SEPTIN10: variants seen among roughly 807,000 people sequenced by gnomAD.
SEPTIN10 encodes septin 10, also known as septin-10.
SEPTIN10 carries 66 observed loss-of-function variants against 54.8 expected under a neutral mutation model. The ratio of observed to expected loss-of-function variants is 1.21; its 90% CI spans 0.99 to 1.48. The LOEUF is 1.48. Among genes scored for constraint, SEPTIN10 ranks in the 40% most tolerant of loss-of-function variants. SEPTIN10 has a pLI of 0.00. For missense variants in SEPTIN10, 620 were observed against 545.6 expected, an observed-to-expected ratio of 1.14 and a Z score of -1.36; for synonymous variants, 161 against 181.0, an observed-to-expected ratio of 0.89 and a Z score of 0.89.
In SEPTIN10 at chr2:109,552,765, C is replaced by A. The variant is rs181851001; in HGVS notation, c.1161+322G>T. 327 of 228,258 alleles carry A rather than the reference C, an allele frequency of 1.4e-3. 1 individual carries two copies. Among genetic ancestry groups the A allele is most frequent in the Admixed American group, 3.4e-3 (59 of 17,474 alleles). 14.1% of individuals were successfully genotyped at this position (228,258 alleles called of 1,614,324 possible). On this transcript the variant is annotated intron_variant, in intron 9 of 10. Coordinates refer to ENST00000397712, the MANE Select transcript of SEPTIN10 (RefSeq NM_144710.5). ...AATGAGGCACCTAAAAATTGTATAC[C>A]GTGGATTCAAGGCATGGATTTCATG...
chr2:109,554,486 G>C (rs547146582), intron 8 of SEPTIN10, among the ~76,000 whole-genome samples: 1 of 152,268 alleles, frequency 6.6e-6, no homozygotes, highest in East Asian at 1.9e-4. Context: ...GCCCTGGACA[G>C]CATGCCATTC....
intron 8 of SEPTIN10, among the ~76,000 whole-genome samples, chr2:109,553,875 C>G (rs939290069): frequency 6.6e-6 from 1 of 150,694 alleles, no homozygotes; most frequent in African/African-American, 2.4e-5. Context: ...AAAAGTGATA[C>G]AATAAACTTT....
intron 2 of SEPTIN10, among the ~76,000 whole-genome samples, chr2:109,590,727 C>A (rs558964968): frequency 1.3e-5 from 2 of 152,270 alleles, no homozygotes; most frequent in East Asian, 3.9e-4. Flanking sequence ...TTATGCCCAG[C>A]CATGAGGTAA....
At chr2:109,560,781 A>G (rs1156309595) in intron 8 of SEPTIN10, among the ~76,000 whole-genome samples, 1 of 152,154 alleles carries the variant, frequency 6.6e-6, no homozygotes, top group Non-Finnish European at 1.5e-5. Context: ...CCATCCACCT[A>G]GCCATGAAAC....
intron 8 of SEPTIN10, among the ~76,000 whole-genome samples, chr2:109,555,623 C>T (rs1009503039): frequency 2.6e-5 from 4 of 152,202 alleles, no homozygotes; most frequent in Admixed American, 6.5e-5. Flanking sequence ...AGGGCAGTCA[C>T]GACCCAGGCA....
chr2:109,603,254 T>G (rs80285137), intron 1 of SEPTIN10, among the ~76,000 whole-genome samples: 1 of 152,028 alleles, frequency 6.6e-6, no homozygotes, highest in African/African-American at 2.4e-5. Flanking sequence ...TTTTTTTTTT[T>G]GAGACAGTCT....
At chr2:109,566,484 A>G (rs1449934507) in intron 6 of SEPTIN10, among the ~76,000 whole-genome samples, 3 of 152,170 alleles carry the variant, frequency 2.0e-5, no homozygotes, top group Non-Finnish European at 2.9e-5. Context: ...ATGTTGAGGA[A>G]ATTACACATA....
intron 8 of SEPTIN10, among the ~76,000 whole-genome samples, chr2:109,561,652 T>C (rs1039842591): frequency 2.6e-5 from 4 of 152,156 alleles, no homozygotes; most frequent in African/African-American, 4.8e-5. Flanking sequence ...GCAGCTTAAA[T>C]GTAACATTTC....
At chr2:109,610,496 C>G (rs972503749) in intron 1 of SEPTIN10, among the ~76,000 whole-genome samples, 1 of 152,180 alleles carries the variant, frequency 6.6e-6, no homozygotes, top group East Asian at 1.9e-4. Context: ...GGGTGGATCA[C>G]CTGAGGTTGG....
rs1482760312 is a variant in SEPTIN10 at position 109,565,991 on chromosome 2, G to C, written c.763-132C>G. The C allele has an allele frequency of 1.0e-5, 8 of 792,858 alleles. No individual in the cohort carries two copies. In the East Asian group the frequency reaches 2.1e-4, roughly 20 times the overall value. 49.1% of individuals were successfully genotyped at this position (792,858 alleles called of 1,614,324 possible). A position where few individuals can be genotyped will look rare whatever the true frequency, so the allele number is the denominator to read the frequency against. The stretch of plus-strand genomic sequence containing the variant: ...AAATCGAATGGTCAGCTATGCCTCA[G>C]ATTTTAAAACCTGCCAGTGAATATG... On this transcript the variant is annotated intron_variant, in intron 6 of 10. Transcript: ENST00000397712.
intron 1 of SEPTIN10, 51 bp downstream of exon 1, chr2:109,613,747 C>T: frequency 1.7e-6 from 2 of 1,169,764 alleles, no homozygotes; most frequent in Non-Finnish European, 2.1e-6. Context: ...CGGGAAGTCC[C>T]GCGGGGGCCG....
chr2:109,605,886 A>G (rs1026518016), intron 1 of SEPTIN10, among the ~76,000 whole-genome samples: 5 of 152,244 alleles, frequency 3.3e-5, no homozygotes, highest in African/African-American at 1.2e-4. Context: ...AAGAGTTAGC[A>G]TGACATCAGT....
In SEPTIN10 at chr2:109,564,197, G is replaced by C. The variant is rs1686359991; in HGVS notation, c.1028+169C>G. The C allele has an allele frequency of 1.5e-5, 8 of 531,866 alleles. No homozygotes were observed. In the Admixed American group the frequency reaches 3.0e-4, roughly 20 times the overall value. 32.9% of individuals were successfully genotyped at this position (531,866 alleles called of 1,614,324 possible). On this transcript the variant is annotated intron_variant, in intron 8 of 10. Transcript: ENST00000397712. ...AAAAAGCAAGACTCTTCAAAAGCAA[G>C]AAGGAGTCAAGTGATTCAAGAAGCA...
chr2:109,613,309 C>T (rs1176175353), intron 1 of SEPTIN10: 1 of 528,482 alleles, frequency 1.9e-6, no homozygotes, highest in African/African-American at 2.0e-5. Flanking sequence ...GGTTTAAAAT[C>T]CCAATGGAGG....
At chr2:109,552,886 A>T in intron 9 of SEPTIN10, 1 of 492,922 alleles carries the variant, frequency 2.0e-6, no homozygotes, top group South Asian at 3.2e-5. Flanking sequence ...GTACTGCTTT[A>T]AAAAAAAAGA....
intron 1 of SEPTIN10, among the ~76,000 whole-genome samples, chr2:109,596,160 C>G (rs1695253334): frequency 6.6e-6 from 1 of 152,108 alleles, no homozygotes; most frequent in Non-Finnish European, 1.5e-5. Context: ...GTTTCCGAAA[C>G]AGCTGGGCCT....
chr2:109,593,026 G>T, intron 2 of SEPTIN10, 25 bp downstream of exon 2: 2 of 1,485,932 alleles, frequency 1.3e-6, no homozygotes, highest in Non-Finnish European at 1.8e-6. Context: ...GTACAATATG[G>T]TATCTATTTA....
intron 1 of SEPTIN10, 109 bp downstream of exon 1, chr2:109,613,689 G>A (rs1443166767): frequency 6.9e-6 from 5 of 726,900 alleles, no homozygotes; most frequent in Non-Finnish European, 9.3e-6. Context: ...GCCGGAGGGG[G>A]CGCGGGTCAC....
rs1425881835 is a variant in SEPTIN10, at chr2:109,545,266, C to G, written c.1349+784G>C. ...TTTCCTCAAGAGCCAAATAGTTAAA[C>G]CGACAGGGATACTTAAGTGGGAGAA... is the stretch of plus-strand genomic sequence containing the variant. On this transcript the variant is annotated intron_variant, in intron 10 of 10. Coordinates refer to ENST00000397712, the MANE Select transcript of SEPTIN10 (RefSeq NM_144710.5). 42 of 1,390,282 alleles carry G rather than the reference C, an allele frequency of 3.0e-5. No individual in the cohort carries two copies. In the East Asian group the frequency reaches 1.1e-3, roughly 37 times the overall value. The allele number at this position is 1,390,282 out of a possible 1,614,324, so 86.1% of individuals were successfully genotyped here.
Sources: allele counts gnomAD v4.1 joint callset (sites outside exome capture counted in the v4.1 genomes callset), GRCh38; gene constraint gnomAD v4.1.1; transcripts MANE v1.5; gene names NCBI Gene and HGNC (gene_info 2026-07-23, HGNC 2026-07-21).